The following LCOR variants were observed in gnomAD, a reference collection of about 807,000 sequenced individuals.
The protein encoded by LCOR is ligand-dependent corepressor.
Under a neutral mutation model 64.4 loss-of-function variants are expected in LCOR, and 14 were observed. The observed-to-expected ratio is 0.22, with a 90% CI of 0.14 to 0.34. The LOEUF is 0.34. LCOR is among the 10% of genes least tolerant of loss of function. The probability of loss-of-function intolerance (pLI) is 1.00; values close to 1 mark genes in which losing one functional copy is unlikely to be tolerated. For missense variants in LCOR, 1,686 were observed against 1,765.3 expected, an observed-to-expected ratio of 0.96 and a Z score of 0.80; for synonymous variants, 643 against 642.5, an observed-to-expected ratio of 1.00 and a Z score of -0.01.
chr10:96,869,022 C>G (rs1234382794), intron 2 of LCOR, among the ~76,000 whole-genome samples: 6 of 152,216 alleles, frequency 3.9e-5, no homozygotes, highest in African/African-American at 1.4e-4. Flanking sequence ...TCTCCCACCT[C>G]AGCCTCCAGA....
Position 96,983,447 on chromosome 10 carries a change from A to T in LCOR, c.2987A>T (p.Asn996Ile). ...GAGGAGGCTGTGAATGAGGTAGACAACGAAAACACCCAGCAGAAAGATGAT... is the reference window on the plus strand; with the variant it reads ...GAGGAGGCTGTGAATGAGGTAGACATCGAAAACACCCAGCAGAAAGATGAT... ...HVEEAVNEVD[N>I]ENTQQKDDES... Residue 996 changes from asparagine (N) to isoleucine (I), a missense_variant, in exon 8 of 8, where the codon AAC (asparagine) becomes ATC (isoleucine). Asn to Ile is a moderately radical substitution (Grantham distance 149). Around this residue, in one of 3 missense-constraint regions of LCOR, gnomAD observed 1,293 missense variants for 1,410.4 expected, o/e 0.92. Coordinates refer to ENST00000421806, the MANE Select transcript of LCOR (RefSeq NM_001346516.2). This position sits in a 1 kb window ranked among gnomAD's most constrained non-coding sequence, Gnocchi z 4.5. 1 of 1,614,198 alleles carries T rather than the reference A, an allele frequency of 6.2e-7. No homozygotes were observed. The highest frequency in any genetic ancestry group is 8.5e-7 in the Non-Finnish European group (1 of 1,180,040).
chr10:96,989,695 A>ATATATATATT lies in LCOR; in HGVS notation c.*4562_*4563insATATATATTT, dbSNP rs1371771053. On this transcript the variant is annotated 3_prime_UTR_variant, in exon 8 of 8. Transcript: ENST00000421806. ...TAAGGATATATATATATATATATATATTTTTTTTTTTTTTTTTTTTTTTTA... is the reference window on the plus strand; with the variant it reads ...TAAGGATATATATATATATATATATATATATATATTTTTTTTTTTTTTTTTTTTTTTTTTA... 8.1e-5 allele frequency: 7 copies of ATATATATATT among 86,160 alleles called. No individual in the cohort carries two copies. Among genetic ancestry groups the ATATATATATT allele is most frequent in the Non-Finnish European group, 1.4e-4 (7 of 50,718 alleles). 5.3% of individuals were successfully genotyped at this position (86,160 alleles called of 1,614,324 possible).
Position 96,836,386 on chromosome 10 carries a change from A to T in LCOR, c.-330+2907A>T, listed in dbSNP as rs569812126. Among the ~76,000 whole-genome samples the T allele has an allele frequency of 1.4e-4, 21 of 152,140 alleles. No individual in the cohort carries two copies. The East Asian group carries it at 3.3e-3, about 24-fold the overall frequency. ...CTCCCAAAGTCACTTGCCTGATAGA[A>T]CTTGCCACTTCAGAGTACCTGCCTG... On this transcript the variant is annotated intron_variant, in intron 2 of 7. Transcript: ENST00000421806.
chr10:96,955,660 G>A (rs1847759575), intron 7 of LCOR: 4 of 1,614,160 alleles, frequency 2.5e-6, no homozygotes, highest in Non-Finnish European at 3.4e-6. Context: ...GGGCGTTACA[G>A]ACAGTACAAC....
chr10:96,890,843 C>CT (rs1304322745), intron 2 of LCOR, among the ~76,000 whole-genome samples: 1 of 152,082 alleles, frequency 6.6e-6, no homozygotes, highest in East Asian at 1.9e-4. Context: ...AATATGGTGA[C>CT]TTTTTTTCAA....
chr10:96,842,617 TTTTTC>T lies in LCOR; in HGVS notation c.-330+9153_-330+9157del, dbSNP rs1213776510. ...AAAAATTTTCTAAAAAGCTTGCTTT[TTTTTC>T]TTTTCTTTTCTTTTTTTTTTTTTTT... On this transcript the variant is annotated intron_variant, in intron 2 of 7. Coordinates refer to ENST00000421806, the MANE Select transcript of LCOR (RefSeq NM_001346516.2). 2.8e-4 allele frequency among the ~76,000 whole-genome samples: 43 copies of T among 151,842 alleles called. No homozygotes were observed. The South Asian group carries it at 6.2e-3, about 22-fold the overall frequency.
intron 2 of LCOR, among the ~76,000 whole-genome samples, chr10:96,894,520 A>T (rs925932400): frequency 6.6e-6 from 1 of 152,230 alleles, no homozygotes; most frequent in Non-Finnish European, 1.5e-5. Flanking sequence ...TGAAAGCCAG[A>T]CTAAGCAGTT....
intron 4 of LCOR, among the ~76,000 whole-genome samples, chr10:96,918,295 G>A (rs1846990518): frequency 6.6e-6 from 1 of 152,134 alleles, no homozygotes; most frequent in South Asian, 2.1e-4. Flanking sequence ...GTGGACTCCT[G>A]TACCATTTCC....
At chr10:96,891,332 A>C (rs149806030) in intron 2 of LCOR, among the ~76,000 whole-genome samples, 1 of 151,698 alleles carries the variant, frequency 6.6e-6, no homozygotes, top group African/African-American at 2.4e-5. Flanking sequence ...TCCTGTTTCT[A>C]TAAGATTGTA....
At chr10:96,859,305 G>A (rs1845851227) in intron 2 of LCOR, among the ~76,000 whole-genome samples, 2 of 152,174 alleles carry the variant, frequency 1.3e-5, no homozygotes, top group African/African-American at 4.8e-5. Context: ...AGCGTCCCGG[G>A]TTCAAGCAAT....
At chr10:96,911,750 C>T (rs1210018366) in intron 4 of LCOR, among the ~76,000 whole-genome samples, 1 of 152,192 alleles carries the variant, frequency 6.6e-6, no homozygotes, top group South Asian at 2.1e-4. Flanking sequence ...TACCTGCTTA[C>T]TTCTTTCCTT....
rs1848167472 is a variant in LCOR, at chr10:96,988,424, A to T, written c.*3290A>T. 1 of 152,162 alleles carries T rather than the reference A, an allele frequency of 6.6e-6. No homozygotes were observed. Among genetic ancestry groups the T allele is most frequent in the Admixed American group, 6.5e-5 (1 of 15,272 alleles). 9.4% of individuals were successfully genotyped at this position (152,162 alleles called of 1,614,324 possible). A position where few individuals can be genotyped will look rare whatever the true frequency, so the allele number is the denominator to read the frequency against. On this transcript the variant is annotated 3_prime_UTR_variant, in exon 8 of 8. Transcript: ENST00000421806. ...GAGTCTCCTGCTGTATTGTTCCTAA[A>T]ATCGTATGGATAGAAGAGGTGCCCT... is the stretch of plus-strand genomic sequence containing the variant.
chr10:96,941,199 C>CA (rs1847461772), intron 4 of LCOR, among the ~76,000 whole-genome samples: 1 of 139,140 alleles, frequency 7.2e-6, no homozygotes, highest in African/African-American at 2.7e-5. Context: ...CTGACCCCCC[C>CA]ACCTCCCTCC....
chr10:96,833,561 C>T, intron 2 of LCOR, 82 bp downstream of exon 2: 1 of 539,220 alleles, frequency 1.9e-6, no homozygotes, highest in Non-Finnish European at 2.4e-6. Flanking sequence ...TCCTGTCCTC[C>T]AGCATTGTTA....
At chr10:96,843,714 T>A (rs1845580132) in intron 2 of LCOR, among the ~76,000 whole-genome samples, 1 of 152,214 alleles carries the variant, frequency 6.6e-6, no homozygotes, top group Non-Finnish European at 1.5e-5. Context: ...CCTAACTGAA[T>A]TATTTTGGAG....
At chr10:96,936,653 C>T (rs946304343) in intron 4 of LCOR, among the ~76,000 whole-genome samples, 1 of 152,152 alleles carries the variant, frequency 6.6e-6, no homozygotes, top group African/African-American at 2.4e-5. Context: ...CTTACCAATA[C>T]TGATGTAAGG....
chr10:96,984,501 G>A lies in LCOR; in HGVS notation c.4041G>A (p.Lys1347=), dbSNP rs150773394. 1,793 of 1,614,208 alleles carry A rather than the reference G, an allele frequency of 1.1e-3. 2 individuals carry two copies. The highest frequency in any genetic ancestry group is 1.4e-3 in the Non-Finnish European group (1,614 of 1,180,048). ...CTGTGGAAAGTAAGCCAAGTCGTAA[G>A]AGCGTATGCATCAACCCTCTGATGT... is the stretch of plus-strand genomic sequence containing the variant. ...ALAVESKPSR[K]SVCINPLMSP... Residue 1347 remains lysine (K), a synonymous_variant, in exon 8 of 8, where the codon AAG becomes AAA. Transcript: ENST00000421806.
intron 7 of LCOR, chr10:96,954,932 A>G (rs1277173561): frequency 1.9e-6 from 3 of 1,606,370 alleles, no homozygotes; most frequent in African/African-American, 1.3e-5. Context: ...TGCTCACATC[A>G]GTTTCCTTCC....
chr10:96,871,955 CTTCAGTTCATCTTCTCCCCAGGAAG>C, intron 2 of LCOR, among the ~76,000 whole-genome samples: 1 of 152,320 alleles, frequency 6.6e-6, no homozygotes, highest in African/African-American at 2.4e-5. Context: ...GAATCACGGT[CTTCAGTTCATCTTCTCCCCAGGAAG>C]TTTTGTAACT....
Sources: gnomAD v4.1 joint callset for allele counts (sites outside exome capture counted in the v4.1 genomes callset) on GRCh38, gnomAD v4.1.1 for gene constraint, gnomAD v4.1.1 regional missense constraint, Gnocchi (gnomAD v3.1) non-coding constraint, MANE v1.5 for transcripts, NCBI Gene and HGNC (gene_info 2026-07-23, HGNC 2026-07-21) for gene names.